The following IL12B variants were observed in gnomAD, a reference collection of about 807,000 sequenced individuals.
IL12B encodes interleukin-12 subunit beta.
A neutral mutation model predicts 39.2 loss-of-function variants in IL12B; 27 were observed. The observed-to-expected ratio is 0.69, with a 90% CI of 0.51 to 0.95. The LOEUF is 0.95. IL12B is among the 40% of genes least tolerant of loss of function. The probability of loss-of-function intolerance (pLI) is 0.00; values close to 1 mark genes in which losing one functional copy is unlikely to be tolerated. For missense variants in IL12B, 351 were observed against 397.6 expected (o/e 0.88, Z 1.00); for synonymous variants, 142 against 152.1 (o/e 0.93, Z 0.49).
intron 1 of IL12B, among the ~76,000 whole-genome samples, 178 bp from the exon 2 acceptor site, chr5:159,326,960 C>T (rs1006392929): frequency 6.6e-6 from 1 of 152,124 alleles, no homozygotes; most frequent in South Asian, 2.1e-4. Flanking sequence ...TACTGTCAAG[C>T]AAATACTAAG....
At position 159,323,765 on chromosome 5, in the gene IL12B, C is replaced by T. The variant is rs145746724; in HGVS notation, c.89-436G>A. Among the ~76,000 whole-genome samples, 928 of 152,150 alleles carry T rather than the reference C, an allele frequency of 6.1e-3. 48 individuals are homozygous for T. Among genetic ancestry groups the T allele is most frequent in the Admixed American group, 0.051 (773 of 15,276 alleles). ...AGCTCAGGGTGTCGAGAACAACGAA[C>T]CAAGACTGTCATCCTGTCTCCACTA... On this transcript the variant is annotated intron_variant, in intron 2 of 7. Coordinates refer to ENST00000231228, the MANE Select transcript of IL12B (RefSeq NM_002187.3).
At chr5:159,322,548 G>GT (rs753245873) in intron 3 of IL12B, 37 bp from the exon 4 acceptor site, 30 of 1,351,546 alleles carry the variant, frequency 2.2e-5, no homozygotes, top group Non-Finnish European at 3.0e-5. Context: ...ATATTTAGGA[G>GT]TTTTTTGCAG....
chr5:159,316,675 G>A lies in IL12B; in HGVS notation c.*10C>T. The stretch of plus-strand genomic sequence containing the variant: ...TGCAGGCCTGGGCTGGCCTTTGAGG[G>A]CCTGCTCACCTAACTGCAGGGCACA... On this transcript the variant is annotated intron_variant, in intron 7 of 7. Coordinates refer to ENST00000231228, the MANE Select transcript of IL12B (RefSeq NM_002187.3). The A allele has an allele frequency of 6.2e-7, 1 of 1,610,352 alleles. No individual in the cohort carries two copies. The highest frequency in any genetic ancestry group is 8.5e-7 in the Non-Finnish European group (1 of 1,178,514).
At chr5:159,326,878 C>G (rs966034305) in intron 1 of IL12B, 96 bp from the exon 2 acceptor site, 17 of 825,622 alleles carry the variant, frequency 2.1e-5, no homozygotes, top group Middle Eastern at 4.9e-4. Context: ...TTCTTGTTAC[C>G]TTTGTGAACC....
In IL12B at chr5:159,322,411, A is replaced by T. The variant is rs1183587733; in HGVS notation, c.465T>A (p.Ser155Arg). The T allele has an allele frequency of 6.2e-7, 1 of 1,608,602 alleles. No homozygotes were observed. The highest frequency in any genetic ancestry group is 1.3e-5 in the African/African-American group (1 of 74,828). Residue 155 changes from serine (S) to arginine (R), a missense_variant, in exon 4 of 8, where the codon AGT becomes AGA. Ser to Arg is a moderately radical substitution (Grantham distance 110). Transcript: ENST00000231228. ...LTTISTDLTFSVKSSRGSSDP... is the reference protein window; with the variant it reads ...LTTISTDLTFRVKSSRGSSDP... The stretch of plus-strand genomic sequence containing the variant: ...TCACTCACCCTCTGCTGCTTTTGAC[A>T]CTGAATGTCAAATCAGTACTGATTG...
chr5:159,329,407 C>T (rs112034130), intron 1 of IL12B, among the ~76,000 whole-genome samples: 21 of 152,074 alleles, frequency 1.4e-4, no homozygotes, highest in Admixed American at 8.5e-4. Flanking sequence ...ACATAATTCA[C>T]GTGAAGTGTC....
chr5:159,322,395 C>G lies in IL12B; in HGVS notation c.481G>C (p.Gly161Arg). ...DLTFSVKSSR[G>R]SSDPQGVTCG... ...AGAAACCAGAGCAGTTTCACTCACC[C>G]TCTGCTGCTTTTGACACTGAATGTC... Residue 161 changes from glycine (G) to arginine (R), a missense_variant and splice_region_variant, in exon 4 of 8, where the codon GGC becomes CGC. Gly to Arg is a moderately radical substitution (Grantham distance 125). Coordinates refer to ENST00000231228, the MANE Select transcript of IL12B (RefSeq NM_002187.3). 1 of 1,579,662 alleles carries G rather than the reference C, an allele frequency of 6.3e-7. No individual in the cohort carries two copies. Among genetic ancestry groups the G allele is most frequent in the Non-Finnish European group, 8.7e-7 (1 of 1,148,478 alleles).
At chr5:159,326,457 A>G (rs575242698) in intron 2 of IL12B, among the ~76,000 whole-genome samples, 85 of 152,332 alleles carry the variant, frequency 5.6e-4, no homozygotes, top group Admixed American at 1.6e-3. Flanking sequence ...ACCATATCAT[A>G]TATCATATGT....
At position 159,314,967 on chromosome 5, in the gene IL12B, G is replaced by C. The variant is rs1753964806; in HGVS notation, c.*1134C>G. ...CAGGTTCATTCATGCTAATGAGAAAGGGATTCCAGATTTTCTTTGCATCTG... is the reference window on the plus strand; with the variant it reads ...CAGGTTCATTCATGCTAATGAGAAACGGATTCCAGATTTTCTTTGCATCTG... On this transcript the variant is annotated 3_prime_UTR_variant, in exon 8 of 8. Transcript: ENST00000231228. The C allele has an allele frequency of 6.6e-6, 1 of 152,268 alleles. No homozygotes were observed. The highest frequency in any genetic ancestry group is 2.1e-4 in the South Asian group (1 of 4,828). The allele number at this position is 152,268 out of a possible 1,614,324, so 9.4% of individuals were successfully genotyped here.
intron 4 of IL12B, among the ~76,000 whole-genome samples, chr5:159,321,854 T>C (rs1036061500): frequency 1.3e-5 from 2 of 152,148 alleles, no homozygotes; most frequent in African/African-American, 4.8e-5. Context: ...TTTATGGAAG[T>C]TGCTTTCTTA....
chr5:159,316,782 G>A lies in IL12B; in HGVS notation c.890C>T (p.Thr297Met), dbSNP rs374661285. 2.5e-5 allele frequency: 40 copies of A among 1,613,956 alleles called. No homozygotes were observed. The African/African-American group carries it at 3.1e-4, about 12-fold the overall frequency. Residue 297 changes from threonine (T) to methionine (M), a missense_variant, in exon 7 of 8, where the codon ACG (threonine) becomes ATG (methionine). By Grantham distance (81) the Thr-to-Met change is moderately conservative. Transcript: ENST00000231228. ...GCTGGCATTTTTGCGGCAGATGACCGTGGCTGAGGTCTTGTCCGTGAAGAC... is the reference window on the plus strand; with the variant it reads ...GCTGGCATTTTTGCGGCAGATGACCATGGCTGAGGTCTTGTCCGTGAAGAC... ...DRVFTDKTSATVICRKNASIS... is the reference protein window; with the variant it reads ...DRVFTDKTSAMVICRKNASIS...
At chr5:159,326,846 A>T in intron 1 of IL12B, 64 bp from the exon 2 acceptor site, 1 of 989,304 alleles carries the variant, frequency 1.0e-6, no homozygotes. Context: ...GGAAGAAAAA[A>T]GAGAAGAAAG....
Position 159,320,407 on chromosome 5 carries a change from C to T in IL12B, c.596G>A (p.Cys199Tyr). 1 of 1,614,156 alleles carries T rather than the reference C, an allele frequency of 6.2e-7. No individual in the cohort carries two copies. The highest frequency in any genetic ancestry group is 8.5e-7 in the Non-Finnish European group (1 of 1,180,008). The change falls in exon 5 of 8, where the codon TGC (cysteine) becomes TAC (tyrosine). Residue 199 changes from cysteine to tyrosine, a missense_variant. Physicochemically the swap from Cys to Tyr is radical, Grantham distance 194. Transcript: ENST00000231228. Reference sequence around the variant, plus strand: ...GGGCAGACTCTCCTCAGCAGCTGGGCAGGCACTGTCCTCCTGGCACTCCAC... The same window carrying T: ...GGGCAGACTCTCCTCAGCAGCTGGGTAGGCACTGTCCTCCTGGCACTCCAC... ...YSVECQEDSA[C>Y]PAAEESLPIE...
intron 4 of IL12B, among the ~76,000 whole-genome samples, 172 bp downstream of exon 4, chr5:159,322,222 A>G (rs1346827017): frequency 2.0e-5 from 3 of 152,208 alleles, no homozygotes; most frequent in Non-Finnish European, 4.4e-5. Flanking sequence ...GCAATCGGCT[A>G]AAATCTCCAT....
intron 4 of IL12B, among the ~76,000 whole-genome samples, chr5:159,321,706 T>A (rs1754096913): frequency 6.6e-6 from 1 of 152,224 alleles, no homozygotes; most frequent in East Asian, 1.9e-4. Context: ...GTAAGCATTT[T>A]CCTTTTAAAG....
chr5:159,326,954 G>A (rs1754201570), intron 1 of IL12B, among the ~76,000 whole-genome samples, 172 bp from the exon 2 acceptor site: 1 of 151,952 alleles, frequency 6.6e-6, no homozygotes, highest in African/African-American at 2.4e-5. Flanking sequence ...TCTCCATACT[G>A]TCAAGCAAAT....
At chr5:159,327,214 A>T (rs185251480) in intron 1 of IL12B, among the ~76,000 whole-genome samples, 3 of 152,330 alleles carry the variant, frequency 2.0e-5, no homozygotes, top group Admixed American at 2.0e-4. Context: ...TTGAGAGAGA[A>T]AAAAAGGGCT....
At position 159,326,683 on chromosome 5, in the gene IL12B, G is replaced by A; in HGVS notation, c.88+12C>T. On this transcript the variant is annotated intron_variant, in intron 2 of 7. Coordinates refer to ENST00000231228, the MANE Select transcript of IL12B (RefSeq NM_002187.3). The stretch of plus-strand genomic sequence containing the variant: ...GTGGGGCCTCCACAGAGAATAATGA[G>A]AGGCTGGTTACCATCTTTCTTCAGT... The A allele has an allele frequency of 6.3e-7, 1 of 1,592,102 alleles. No individual in the cohort carries two copies. The highest frequency in any genetic ancestry group is 1.1e-5 in the South Asian group (1 of 90,604).
chr5:159,320,041 A>G (rs1478794324), intron 5 of IL12B, among the ~76,000 whole-genome samples: 1 of 152,232 alleles, frequency 6.6e-6, no homozygotes, highest in Non-Finnish European at 1.5e-5. Flanking sequence ...AAAGTGCAGT[A>G]AAGAGCAGCT....
Sources: allele counts gnomAD v4.1 joint callset (sites outside exome capture counted in the v4.1 genomes callset), GRCh38; gene constraint gnomAD v4.1.1; transcripts MANE v1.5; gene names NCBI Gene and HGNC (gene_info 2026-07-23, HGNC 2026-07-21).